WASL: variants seen among roughly 807,000 people sequenced by gnomAD.
The protein encoded by WASL is WASP like actin nucleation promoting factor, also known as actin nucleation-promoting factor WASL.
In WASL, 20 loss-of-function variants were observed where a neutral mutation model predicts 55.5. The observed-to-expected ratio is 0.36, with a 90% CI of 0.25 to 0.52. The LOEUF (loss-of-function observed/expected upper bound fraction) is 0.52. Among genes scored for constraint, WASL ranks in the 20% least tolerant of loss-of-function variants. The pLI is 0.92. For synonymous variants in WASL, 249 were observed against 217.6 expected (o/e 1.14, Z -1.27); for missense variants, 504 against 622.5 (o/e 0.81, Z 2.03).
At chr7:123,697,253 TA>T (rs1389136389) in intron 5 of WASL, among the ~76,000 whole-genome samples, 3 of 152,134 alleles carry the variant, frequency 2.0e-5, no homozygotes, top group African/African-American at 7.2e-5. Flanking sequence ...CTGGCATCCT[TA>T]AGTCAAATGA....
intron 5 of WASL, among the ~76,000 whole-genome samples, chr7:123,697,419 G>A (rs1471084541): frequency 6.6e-6 from 1 of 152,160 alleles, no homozygotes; most frequent in Non-Finnish European, 1.5e-5. Flanking sequence ...ATCTTCAGAA[G>A]TGGTACTAAA....
Position 123,696,699 on chromosome 7 carries a change from G to A in WASL, c.509C>T (p.Thr170Ile). 6.3e-7 allele frequency: 1 copy of A among 1,599,398 alleles called. No individual in the cohort carries two copies. Among genetic ancestry groups the A allele is most frequent in the Non-Finnish European group, 8.5e-7 (1 of 1,172,904 alleles). ...TTGTGGACCATAAAATCTATTTGTT[G>A]TGATTTCTGGATTTTTTATATCAAC... is the stretch of plus-strand genomic sequence containing the variant. The part of the protein sequence containing the change: ...ATVDIKNPEI[T>I]TNRFYGPQVN... Residue 170 changes from threonine (T) to isoleucine (I), a missense_variant, in exon 6 of 11, where the codon ACA (threonine) becomes ATA (isoleucine). Thr to Ile is a moderately conservative substitution (Grantham distance 89). Transcript: ENST00000223023.
At chr7:123,738,068 G>A (rs906543043) in intron 1 of WASL, among the ~76,000 whole-genome samples, 7 of 152,156 alleles carry the variant, frequency 4.6e-5, no homozygotes, top group Non-Finnish European at 8.8e-5. Context: ...CAACTGATAT[G>A]AAAAGATATT....
intron 5 of WASL, among the ~76,000 whole-genome samples, chr7:123,697,716 GA>G (rs1180493767): frequency 6.6e-6 from 1 of 152,206 alleles, no homozygotes; most frequent in East Asian, 1.9e-4. Context: ...GCTCTTCTTA[GA>G]AAGGACCACT....
chr7:123,722,418 G>A (rs1360627988), intron 1 of WASL, among the ~76,000 whole-genome samples: 1 of 152,136 alleles, frequency 6.6e-6, no homozygotes, highest in Non-Finnish European at 1.5e-5. Context: ...TCTGAACAGG[G>A]TATTAATTCA....
rs143198346 is a variant in WASL, at chr7:123,695,861, T to G, written c.634A>C (p.Ile212Leu). Residue 212 changes from isoleucine to leucine, a missense_variant, in exon 7 of 11, where the codon ATT becomes CTT. Coordinates refer to ENST00000223023, the MANE Select transcript of WASL (RefSeq NM_003941.4). ...DIGTPSNFQH[I>L]GHVGWDPNTG... is the part of the protein sequence containing the mutation. ...TTTGGATCCCAACCAACATGTCCAA[T>G]GTGCCTGAAGTAGAAAATAGAAAAA... 6.2e-7 allele frequency: 1 copy of G among 1,612,614 alleles called. No homozygotes were observed. The highest frequency in any genetic ancestry group is 8.5e-7 in the Non-Finnish European group (1 of 1,179,012).
At chr7:123,716,527 C>A (rs151332176) in intron 1 of WASL, among the ~76,000 whole-genome samples, 2 of 151,820 alleles carry the variant, frequency 1.3e-5, no homozygotes, top group African/African-American at 2.4e-5. Context: ...GGATTACAGG[C>A]GTGAGCCACT....
At chr7:123,733,026 G>C (rs1804166967) in intron 1 of WASL, among the ~76,000 whole-genome samples, 1 of 152,062 alleles carries the variant, frequency 6.6e-6, no homozygotes, top group Admixed American at 6.5e-5. Context: ...ACTTGATAAA[G>C]CATTTCCATC....
intron 1 of WASL, among the ~76,000 whole-genome samples, chr7:123,712,567 G>A (rs1269543250): frequency 6.6e-6 from 1 of 152,114 alleles, no homozygotes; most frequent in African/African-American, 2.4e-5. Context: ...TGGCAAATCT[G>A]GATGAAGGAT....
intron 1 of WASL, among the ~76,000 whole-genome samples, chr7:123,717,253 G>A (rs1803861380): frequency 6.6e-6 from 1 of 152,162 alleles, no homozygotes; most frequent in Admixed American, 6.5e-5. Context: ...TTGTCCTGGG[G>A]AAAAGAGGTG....
At chr7:123,692,967 C>T in intron 8 of WASL, 100 bp from the exon 9 acceptor site, 3 of 1,287,746 alleles carry the variant, frequency 2.3e-6, no homozygotes, top group Non-Finnish European at 3.0e-6. Flanking sequence ...TTGAATAATA[C>T]CAAAAAAGGG....
In WASL at chr7:123,729,347, A is replaced by G. The variant is rs1299323472; in HGVS notation, c.117+19271T>C. Among the ~76,000 whole-genome samples the G allele has an allele frequency of 3.9e-5, 6 of 152,284 alleles. No homozygotes were observed. The South Asian group carries it at 1.2e-3, about 32-fold the overall frequency. ...GAATTAATTACATTTCAATTGCTCA[A>G]TAGCTCATGTGGCTAATGGCTACCA... is the stretch of plus-strand genomic sequence containing the variant. On this transcript the variant is annotated intron_variant, in intron 1 of 10. Transcript: ENST00000223023.
In WASL at chr7:123,692,650, T is replaced by A. The variant is rs745885148; in HGVS notation, c.1044A>T (p.Pro348=). The A allele has an allele frequency of 6.4e-7, 1 of 1,571,726 alleles. No homozygotes were observed. Among genetic ancestry groups the A allele is most frequent in the Non-Finnish European group, 8.6e-7 (1 of 1,161,886 alleles). ...PPNRMYPPPP[P]ALPSSAPSGP... is the part of the protein sequence containing the mutation. The stretch of plus-strand genomic sequence containing the variant: ...CTGAAGGTGCTGAGGAGGGAAGGGC[T>A]GGAGGTGGAGGAGGGTACATCCTAT... Residue 348 remains proline (P), a synonymous_variant, in exon 9 of 11, where the codon CCA becomes CCT. Coordinates refer to ENST00000223023, the MANE Select transcript of WASL (RefSeq NM_003941.4).
At chr7:123,686,625 C>A (rs1400357992) in intron 10 of WASL, among the ~76,000 whole-genome samples, 4 of 152,034 alleles carry the variant, frequency 2.6e-5, no homozygotes, top group African/African-American at 9.7e-5. Context: ...CTCACAGATA[C>A]CAGCATAGAA....
chr7:123,714,566 T>C (rs1053019957), intron 1 of WASL, among the ~76,000 whole-genome samples: 10 of 152,190 alleles, frequency 6.6e-5, no homozygotes, highest in African/African-American at 2.4e-4. Context: ...AGAGAGTCTT[T>C]TAGATCTTAG....
chr7:123,702,852 A>T (rs1803614017), intron 5 of WASL, among the ~76,000 whole-genome samples: 1 of 152,210 alleles, frequency 6.6e-6, no homozygotes, highest in African/African-American at 2.4e-5. Flanking sequence ...AACTGATCCA[A>T]CATGGATACA....
chr7:123,735,476 A>G (rs561755746), intron 1 of WASL, among the ~76,000 whole-genome samples: 1 of 152,052 alleles, frequency 6.6e-6, no homozygotes, highest in Non-Finnish European at 1.5e-5. Flanking sequence ...AACAGTTGTT[A>G]TATCTGTAGT....
intron 1 of WASL, among the ~76,000 whole-genome samples, chr7:123,737,596 CAAAAAA>C (rs34669724): frequency 1.4e-5 from 1 of 72,816 alleles, no homozygotes; most frequent in Non-Finnish European, 2.6e-5. Flanking sequence ...CTCCGTCTCC[CAAAAAA>C]AAAAAAAAAA....
chr7:123,735,276 T>TG (rs893156208), intron 1 of WASL, among the ~76,000 whole-genome samples: 4 of 151,224 alleles, frequency 2.6e-5, no homozygotes, highest in African/African-American at 7.3e-5. Context: ...AATGACTTCA[T>TG]GGAAAAAAAA....
Sources: gnomAD v4.1 joint callset for allele counts (sites outside exome capture counted in the v4.1 genomes callset) on GRCh38, gnomAD v4.1.1 for gene constraint, MANE v1.5 for transcripts, NCBI Gene and HGNC (gene_info 2026-07-23, HGNC 2026-07-21) for gene names.